The following GRM1 variants were observed in gnomAD, a reference collection of about 807,000 sequenced individuals.
GRM1 encodes metabotropic glutamate receptor 1.
GRM1 carries 33 observed loss-of-function variants against 90.9 expected under a neutral mutation model. The observed-to-expected ratio is 0.36, with a 90% CI of 0.28 to 0.49. The LOEUF is 0.49. Ranked by LOEUF, GRM1 falls within the 20% of genes least tolerant of loss-of-function variation. GRM1 has a pLI of 0.99. For synonymous variants in GRM1, 700 were observed against 613.2 expected, an observed-to-expected ratio of 1.14 and a Z score of -2.09; for missense variants, 1,190 against 1,534.3, an observed-to-expected ratio of 0.78 and a Z score of 3.75.
chr6:146,102,253 C>A (rs775821548), intron 1 of GRM1, among the ~76,000 whole-genome samples: 3 of 152,108 alleles, frequency 2.0e-5, no homozygotes, highest in Non-Finnish European at 4.4e-5. Context: ...TATATGATAT[C>A]CTCTCCCACA....
rs182735345 is a variant in GRM1 at position 146,304,602 on chromosome 6, A to G, written c.951-9A>G. ...TCTCTCTCCCTACCCCAATCCCTGC[A>G]TTTTTTAGTGATGGATGGGCAGACA... On this transcript the variant is annotated splice_polypyrimidine_tract_variant and intron_variant, in intron 2 of 7. Coordinates refer to ENST00000282753, the MANE Select transcript of GRM1 (RefSeq NM_001278064.2). The G allele has an allele frequency of 6.3e-6, 10 of 1,589,896 alleles. No individual in the cohort carries two copies. The highest frequency in any genetic ancestry group is 7.8e-6 in the Non-Finnish European group (9 of 1,158,284).
chr6:146,112,040 T>G (rs1288850488), intron 1 of GRM1, among the ~76,000 whole-genome samples: 1 of 152,212 alleles, frequency 6.6e-6, no homozygotes. Context: ...TAGATGTGAG[T>G]GTTACCCCAG....
chr6:146,237,458 T>G (rs1455362269), intron 2 of GRM1, among the ~76,000 whole-genome samples: 1 of 146,048 alleles, frequency 6.8e-6, no homozygotes, highest in Non-Finnish European at 1.5e-5. Context: ...GTAAAATATT[T>G]TTACAAATAG....
At chr6:146,090,910 C>T (rs1459174051) in intron 1 of GRM1, among the ~76,000 whole-genome samples, 3 of 152,010 alleles carry the variant, frequency 2.0e-5, no homozygotes, top group African/African-American at 7.2e-5. Flanking sequence ...TGACATTCCT[C>T]TTCACCTCCT....
intron 2 of GRM1, among the ~76,000 whole-genome samples, chr6:146,267,697 G>T (rs149089814): frequency 0.11 from 11,530 of 109,668 alleles, 1,625 homozygotes; most frequent in African/African-American, 0.4. Flanking sequence ...GCTCGGCTCG[G>T]CTCGGCTCGT....
intron 2 of GRM1, among the ~76,000 whole-genome samples, chr6:146,271,602 T>G (rs1013528392): frequency 3.9e-5 from 6 of 152,234 alleles, no homozygotes; most frequent in African/African-American, 1.4e-4. Context: ...CTAAGTCTTT[T>G]GAGCTTTGCC....
At chr6:146,409,498 A>G (rs1047019566) in intron 7 of GRM1, among the ~76,000 whole-genome samples, 3 of 152,200 alleles carry the variant, frequency 2.0e-5, no homozygotes, top group Non-Finnish European at 4.4e-5. Context: ...TGGCTATAAA[A>G]TGCCTCTCCA....
intron 2 of GRM1, among the ~76,000 whole-genome samples, chr6:146,299,416 G>A (rs1271335203): frequency 8.2e-6 from 1 of 121,444 alleles, no homozygotes; most frequent in Non-Finnish European, 1.5e-5. Context: ...AGTTCTGGGA[G>A]GAAGTTAAAT....
At chr6:146,177,046 C>T (rs944827062) in intron 2 of GRM1, among the ~76,000 whole-genome samples, 1 of 152,088 alleles carries the variant, frequency 6.6e-6, no homozygotes, top group South Asian at 2.1e-4. Context: ...CACATTTTAG[C>T]CTTGTATTAC....
chr6:146,208,581 C>G (rs1338185718), intron 2 of GRM1, among the ~76,000 whole-genome samples: 3 of 152,070 alleles, frequency 2.0e-5, no homozygotes, highest in African/African-American at 7.2e-5. Flanking sequence ...TTTCTTCATT[C>G]TACTCATGTC....
chr6:146,388,295 C>G (rs965330799), intron 6 of GRM1, among the ~76,000 whole-genome samples: 2 of 151,940 alleles, frequency 1.3e-5, no homozygotes, highest in African/African-American at 4.8e-5. Flanking sequence ...AGAAGCAGAA[C>G]CTAGTCCACT....
chr6:146,352,792 A>T (rs1248396340), intron 4 of GRM1, among the ~76,000 whole-genome samples: 1 of 152,210 alleles, frequency 6.6e-6, no homozygotes, highest in Admixed American at 6.5e-5. Context: ...CTGCAAGCCC[A>T]GGAACCTAAA....
At chr6:146,417,048 T>C (rs1339540157) in intron 7 of GRM1, among the ~76,000 whole-genome samples, 5 of 152,220 alleles carry the variant, frequency 3.3e-5, no homozygotes, top group Non-Finnish European at 7.3e-5. Flanking sequence ...CAAAATTTTA[T>C]GTCTACAGTC....
At chr6:146,429,193 G>A (rs577753779) in intron 7 of GRM1, among the ~76,000 whole-genome samples, 6 of 152,242 alleles carry the variant, frequency 3.9e-5, no homozygotes, top group African/African-American at 1.2e-4. Context: ...AAGGGGAAAA[G>A]GCTAAGATTC....
intron 1 of GRM1, among the ~76,000 whole-genome samples, chr6:146,066,090 G>T (rs1775837399): frequency 6.6e-6 from 1 of 152,056 alleles, no homozygotes; most frequent in South Asian, 2.1e-4. Flanking sequence ...TTGGAACCAG[G>T]GGGTACATGT....
chr6:146,396,006 C>A (rs1056197504), intron 6 of GRM1, among the ~76,000 whole-genome samples: 1 of 152,088 alleles, frequency 6.6e-6, no homozygotes, highest in Admixed American at 6.6e-5. Context: ...TTATTGATTT[C>A]ATCATAAATT....
At chr6:146,164,315 A>G (rs1411964553) in intron 2 of GRM1, among the ~76,000 whole-genome samples, 3 of 152,134 alleles carry the variant, frequency 2.0e-5, no homozygotes, top group Non-Finnish European at 4.4e-5. Context: ...ACTGAACCAT[A>G]TTATCATATA....
chr6:146,077,670 A>G (rs1195878077), intron 1 of GRM1, among the ~76,000 whole-genome samples: 4 of 152,214 alleles, frequency 2.6e-5, no homozygotes, highest in African/African-American at 9.6e-5. Context: ...AAGGGGGAAA[A>G]TCTTACTTAG....
In GRM1 at chr6:146,352,335, G is replaced by C; in HGVS notation, c.1272G>C (p.Leu424=). ...CCATCTATGCCATGGCACATGGGCT[G>C]CAGAACATGCACCATGCCCTCTGCC... ...INAIYAMAHG[L]QNMHHALCPG... The change falls in exon 4 of 8, where the codon CTG becomes CTC. Residue 424 remains leucine, a synonymous_variant. Transcript: ENST00000282753. 6.2e-7 allele frequency: 1 copy of C among 1,614,092 alleles called. No homozygotes were observed. Among genetic ancestry groups the C allele is most frequent in the Middle Eastern group, 1.6e-4 (1 of 6,062 alleles).
Sources: allele counts gnomAD v4.1 joint callset (sites outside exome capture counted in the v4.1 genomes callset), GRCh38; gene constraint gnomAD v4.1.1; transcripts MANE v1.5; gene names NCBI Gene and HGNC (gene_info 2026-07-23, HGNC 2026-07-21).